Variants in PTPRM observed in about 807,000 individuals in gnomAD.
The protein encoded by PTPRM is receptor-type tyrosine-protein phosphatase mu.
In PTPRM, 47 loss-of-function variants were observed where a neutral mutation model predicts 186.7. The observed-to-expected ratio is 0.25, with a 90% CI of 0.20 to 0.32. The LOEUF is 0.32. Ranked by LOEUF, PTPRM falls within the 10% of genes least tolerant of loss-of-function variation. The pLI is 1.00. For missense variants in PTPRM, 1,494 were observed against 1,865.0 expected (o/e 0.80, Z 3.66); for synonymous variants, 668 against 674.9 (o/e 0.99, Z 0.16).
intron 19 of PTPRM, among the ~76,000 whole-genome samples, chr18:8,294,371 G>A (rs1326155841): frequency 6.6e-6 from 1 of 152,198 alleles, no homozygotes; most frequent in African/African-American, 2.4e-5. Context: ...CATGGCAGAA[G>A]GGGAAGCAAA....
Position 8,049,538 on chromosome 18 carries a change from C to T in PTPRM, c.1133-20148C>T, listed in dbSNP as rs188460257. Reference sequence around the variant, plus strand: ...ATTATATTGTGCTAGTATCCTTTTACCAAATATGTTGATTAACAAATGTAG... The same window carrying T: ...ATTATATTGTGCTAGTATCCTTTTATCAAATATGTTGATTAACAAATGTAG... On this transcript the variant is annotated intron_variant, in intron 7 of 32. Coordinates refer to ENST00000580170, the MANE Select transcript of PTPRM (RefSeq NM_001105244.2). 2.0e-5 allele frequency: 3 copies of T among 152,070 alleles called. No homozygotes were observed. In the East Asian group the frequency reaches 5.8e-4, roughly 29 times the overall value. 9.4% of individuals were successfully genotyped at this position (152,070 alleles called of 1,614,324 possible).
chr18:7,776,312 G>A (rs2042576579), intron 2 of PTPRM, among the ~76,000 whole-genome samples: 1 of 152,104 alleles, frequency 6.6e-6, no homozygotes, highest in African/African-American at 2.4e-5. Context: ...CAAACAGATT[G>A]CAACTCATTG....
intron 7 of PTPRM, among the ~76,000 whole-genome samples, chr18:8,037,185 A>G (rs1372935668): frequency 6.6e-6 from 1 of 152,164 alleles, no homozygotes; most frequent in Non-Finnish European, 1.5e-5. Context: ...TTTCTTCAAA[A>G]TCCCTGTGCT....
chr18:7,737,953 T>C (rs990447987), intron 1 of PTPRM, among the ~76,000 whole-genome samples: 2 of 152,226 alleles, frequency 1.3e-5, no homozygotes, highest in African/African-American at 4.8e-5. Context: ...TAACATTCAT[T>C]AAATATTTTG....
At chr18:7,941,262 C>G (rs1260421515) in intron 5 of PTPRM, among the ~76,000 whole-genome samples, 2 of 152,210 alleles carry the variant, frequency 1.3e-5, no homozygotes, top group Non-Finnish European at 2.9e-5. Context: ...TTCTCTTATG[C>G]TCTGCCGAAA....
chr18:7,755,682 A>G (rs997687165), intron 1 of PTPRM, among the ~76,000 whole-genome samples: 1 of 152,218 alleles, frequency 6.6e-6, no homozygotes, highest in African/African-American at 2.4e-5. Flanking sequence ...ATTGGCCCAA[A>G]GCATAGCCAA....
intron 7 of PTPRM, among the ~76,000 whole-genome samples, chr18:7,958,919 G>A (rs2053492438): frequency 6.6e-6 from 1 of 152,196 alleles, no homozygotes; most frequent in Non-Finnish European, 1.5e-5. Flanking sequence ...AAATAATAGT[G>A]CTTTTGGGTG....
At chr18:7,844,474 C>G (rs575084701) in intron 2 of PTPRM, among the ~76,000 whole-genome samples, 6 of 152,224 alleles carry the variant, frequency 3.9e-5, no homozygotes, top group Admixed American at 2.0e-4. Flanking sequence ...TATCTCCCTC[C>G]CACCCCCTCA....
chr18:8,364,327 C>T (rs1033221239), intron 23 of PTPRM, among the ~76,000 whole-genome samples: 3 of 152,072 alleles, frequency 2.0e-5, no homozygotes, highest in African/African-American at 7.2e-5. Flanking sequence ...TCATGGAAGT[C>T]ACCTGCCGCA....
At chr18:7,875,893 C>CT in intron 2 of PTPRM, among the ~76,000 whole-genome samples, 1 of 152,076 alleles carries the variant, frequency 6.6e-6, no homozygotes, top group East Asian at 1.9e-4. Context: ...ATGGTAGAGC[C>CT]TACAGCACAC....
chr18:7,878,813 G>A (rs1002667720), intron 2 of PTPRM, among the ~76,000 whole-genome samples: 2 of 152,054 alleles, frequency 1.3e-5, no homozygotes, highest in African/African-American at 2.4e-5. Flanking sequence ...AGCTTATATT[G>A]TGATGGCTTA....
At chr18:8,283,452 G>A (rs2094925347) in intron 19 of PTPRM, among the ~76,000 whole-genome samples, 2 of 152,248 alleles carry the variant, frequency 1.3e-5, no homozygotes, top group South Asian at 2.1e-4. Flanking sequence ...GAAAGATGCT[G>A]GGGTCTCTTT....
At chr18:8,323,618 C>T (rs1405895941) in intron 22 of PTPRM, among the ~76,000 whole-genome samples, 1 of 152,104 alleles carries the variant, frequency 6.6e-6, no homozygotes, top group Non-Finnish European at 1.5e-5. Context: ...GGGTTGACTA[C>T]CTGATTGGGG....
chr18:8,387,552 G>A (rs1216180317), intron 31 of PTPRM, among the ~76,000 whole-genome samples: 2 of 151,406 alleles, frequency 1.3e-5, no homozygotes, highest in Non-Finnish European at 2.9e-5. Context: ...TAAGTTTTCA[G>A]GAATTTTCTG....
At chr18:8,314,713 C>A in intron 20 of PTPRM, 68 bp from the exon 21 acceptor site, 3 of 1,116,436 alleles carry the variant, frequency 2.7e-6, no homozygotes, top group Non-Finnish European at 4.0e-6. Context: ...TGCTTACATT[C>A]TGGGGCTCAG....
intron 14 of PTPRM, among the ~76,000 whole-genome samples, chr18:8,210,380 G>A (rs946940905): frequency 6.6e-6 from 1 of 152,136 alleles, no homozygotes; most frequent in African/African-American, 2.4e-5. Flanking sequence ...ACGGGGAGAA[G>A]GCTGCGGGAG....
intron 1 of PTPRM, among the ~76,000 whole-genome samples, chr18:7,677,879 C>T (rs2039383782): frequency 1.3e-5 from 2 of 152,112 alleles, no homozygotes; most frequent in African/African-American, 4.8e-5. Context: ...CTGTGTGGGA[C>T]TTATCACCTA....
intron 2 of PTPRM, among the ~76,000 whole-genome samples, chr18:7,881,263 C>T (rs994006023): frequency 5.3e-5 from 8 of 151,936 alleles, no homozygotes; most frequent in Admixed American, 4.6e-4. Context: ...GGTGAAACCC[C>T]GTCTCTACTA....
At chr18:8,014,086 T>C (rs1032742300) in intron 7 of PTPRM, among the ~76,000 whole-genome samples, 5 of 152,172 alleles carry the variant, frequency 3.3e-5, no homozygotes, top group African/African-American at 1.2e-4. Context: ...AGAGGCAGTA[T>C]AAGAATAATG....
Sources: gnomAD v4.1 joint callset for allele counts (sites outside exome capture counted in the v4.1 genomes callset) on GRCh38, gnomAD v4.1.1 for gene constraint, MANE v1.5 for transcripts, NCBI Gene and HGNC (gene_info 2026-07-23, HGNC 2026-07-21) for gene names.